The following ATG13 variants were observed in gnomAD, a reference collection of about 807,000 sequenced individuals.
The protein encoded by ATG13 is autophagy-related protein 13.
A neutral mutation model predicts 65.5 loss-of-function variants in ATG13; 23 were observed. The observed-to-expected ratio is 0.35, with a 90% CI of 0.25 to 0.50. ATG13 has a LOEUF of 0.50. ATG13 is among the 20% of genes least tolerant of loss of function. The pLI, the probability that ATG13 is intolerant of heterozygous loss-of-function variation, is 0.98. For synonymous variants in ATG13, 252 were observed against 245.2 expected, an observed-to-expected ratio of 1.03 and a Z score of -0.26; for missense variants, 566 against 677.0, an observed-to-expected ratio of 0.84 and a Z score of 1.82.
intron 2 of ATG13, among the ~76,000 whole-genome samples, chr11:46,630,473 TG>T (rs1237876140): frequency 6.6e-6 from 1 of 151,762 alleles, no homozygotes; most frequent in Non-Finnish European, 1.5e-5. Context: ...GAGATAAATA[TG>T]GTAAAAATCA....
chr11:46,670,350 G>A (rs1185002206), intron 18 of ATG13, among the ~76,000 whole-genome samples: 2 of 151,358 alleles, frequency 1.3e-5, no homozygotes, highest in African/African-American at 2.4e-5. Flanking sequence ...GCATGGTGGC[G>A]GGCACCTGTA....
At position 46,623,437 on chromosome 11, in the gene ATG13, TG is replaced by T. The variant is rs772367262; in HGVS notation, c.-70+5548del. Among the ~76,000 whole-genome samples the T allele has an allele frequency of 7.9e-5, 12 of 152,142 alleles. 1 individual carries two copies. The highest frequency in any genetic ancestry group is 1.2e-4 in the Non-Finnish European group (8 of 68,016). On this transcript the variant is annotated intron_variant, in intron 1 of 18. Transcript: ENST00000683050. ...AGTTTTGTTTTTTTGTTTTTGTTTT[TG>T]TTTTTTTGAGACAGAGTCTCACTCT...
rs971225941 is a variant in ATG13, at chr11:46,672,701, C to G, written c.*369C>G. 1 of 1,364,312 alleles carries G rather than the reference C, an allele frequency of 7.3e-7. No homozygotes were observed. Among genetic ancestry groups the G allele is most frequent in the Non-Finnish European group, 9.7e-7 (1 of 1,030,880 alleles). 84.5% of individuals were successfully genotyped at this position (1,364,312 alleles called of 1,614,324 possible). A position where few individuals can be genotyped will look rare whatever the true frequency, so the allele number is the denominator to read the frequency against. On this transcript the variant is annotated 3_prime_UTR_variant, in exon 19 of 19. Transcript: ENST00000683050. ...GGCCTGCCTTGCAGCTGGCCCCTTC[C>G]CTGCCTGCTGTCACCATCCACTGTT...
intron 2 of ATG13, among the ~76,000 whole-genome samples, chr11:46,632,797 A>C (rs1448545746): frequency 6.6e-6 from 1 of 151,768 alleles, no homozygotes; most frequent in Non-Finnish European, 1.5e-5. Flanking sequence ...TTTACTTCCC[A>C]AAACAGTATC....
chr11:46,658,803 T>C (rs2060551711), intron 10 of ATG13, among the ~76,000 whole-genome samples: 1 of 152,066 alleles, frequency 6.6e-6, no homozygotes. Flanking sequence ...CCCAAAATGC[T>C]GGAATTACAG....
At chr11:46,656,415 A>T (rs2060057339) in intron 8 of ATG13, 142 bp downstream of exon 8, 18 of 818,480 alleles carry the variant, frequency 2.2e-5, no homozygotes, top group Non-Finnish European at 3.3e-5. Flanking sequence ...GAATGCAGGT[A>T]GGTGGTCCAG....
Position 46,663,289 on chromosome 11 carries a change from G to A in ATG13, c.790-708G>A, listed in dbSNP as rs111648945. Among the ~76,000 whole-genome samples the A allele has an allele frequency of 9.5e-3, 1,207 of 127,368 alleles. 20 individuals are homozygous for A. Among genetic ancestry groups the A allele is most frequent in the African/African-American group, 0.033 (1,159 of 35,168 alleles). 83.6% of individuals were successfully genotyped at this position (127,368 alleles called of 152,430 possible). On this transcript the variant is annotated intron_variant, in intron 11 of 18. Coordinates refer to ENST00000683050, the MANE Select transcript of ATG13 (RefSeq NM_001346311.2). ...TCAAAAAAAAAAAAAAAAAAAAAAT[G>A]GAACAGTAAGACCCAAAATAATCAT...
intron 1 of ATG13, among the ~76,000 whole-genome samples, chr11:46,619,115 G>A (rs2046406191): frequency 6.6e-6 from 1 of 152,098 alleles, no homozygotes; most frequent in South Asian, 2.1e-4. Context: ...TGTGCTTAGT[G>A]GAGGAGAGTG....
intron 10 of ATG13, among the ~76,000 whole-genome samples, chr11:46,658,118 G>A (rs899093232): frequency 6.6e-6 from 1 of 151,878 alleles, no homozygotes; most frequent in Non-Finnish European, 1.5e-5. Flanking sequence ...TAGAGCCTTA[G>A]AAGAGTGGCA....
intron 7 of ATG13, among the ~76,000 whole-genome samples, chr11:46,654,721 C>CA (rs1434225197): frequency 2.7e-5 from 4 of 150,814 alleles, no homozygotes; most frequent in Non-Finnish European, 4.4e-5. Context: ...GACCCTGTCT[C>CA]AAAAAAAACA....
chr11:46,668,699 C>T (rs2062986293), intron 16 of ATG13, 95 bp from the exon 17 acceptor site: 7 of 1,485,040 alleles, frequency 4.7e-6, no homozygotes, highest in African/African-American at 2.8e-5. Context: ...GGGTTTGTAG[C>T]CAGCATTAAG....
chr11:46,622,778 C>A (rs1404494058), intron 1 of ATG13, among the ~76,000 whole-genome samples: 1 of 152,160 alleles, frequency 6.6e-6, no homozygotes, highest in Non-Finnish European at 1.5e-5. Context: ...AGGGGCAAAG[C>A]AGATTAGATT....
rs999844038 is a variant in ATG13 at position 46,672,619 on chromosome 11, C to T, written c.*287C>T. ...AGGGCCATCTGTGTGCCCTGCCCATCACCAACTGCTTCCCAAGGGTGTCAT... is the reference window on the plus strand; with the variant it reads ...AGGGCCATCTGTGTGCCCTGCCCATTACCAACTGCTTCCCAAGGGTGTCAT... On this transcript the variant is annotated 3_prime_UTR_variant, in exon 19 of 19. Coordinates refer to ENST00000683050, the MANE Select transcript of ATG13 (RefSeq NM_001346311.2). The T allele has an allele frequency of 8.5e-6, 12 of 1,416,512 alleles. No homozygotes were observed. The highest frequency in any genetic ancestry group is 4.3e-5 in the African/African-American group (3 of 70,366). The allele number at this position is 1,416,512 out of a possible 1,614,324, so 87.7% of individuals were successfully genotyped here. A position where few individuals can be genotyped will look rare whatever the true frequency, so the allele number is the denominator to read the frequency against.
At chr11:46,638,855 T>C (rs1338444511) in intron 2 of ATG13, among the ~76,000 whole-genome samples, 2 of 152,144 alleles carry the variant, frequency 1.3e-5, no homozygotes, top group African/African-American at 4.8e-5. Flanking sequence ...TCACCCAGGC[T>C]GGAGTGCAAT....
intron 15 of ATG13, among the ~76,000 whole-genome samples, chr11:46,668,172 T>A (rs2062801266): frequency 6.6e-6 from 1 of 152,218 alleles, no homozygotes; most frequent in South Asian, 2.1e-4. Context: ...TGTCATTGCC[T>A]CGGCCTTATT....
chr11:46,668,378 G>C, intron 15 of ATG13, 121 bp from the exon 16 acceptor site: 1 of 965,150 alleles, frequency 1.0e-6, no homozygotes, highest in Non-Finnish European at 1.6e-6. Context: ...GAGCCTAAGG[G>C]GCAGCATGGT....
At chr11:46,619,576 G>C (rs978998587) in intron 1 of ATG13, among the ~76,000 whole-genome samples, 5 of 151,348 alleles carry the variant, frequency 3.3e-5, no homozygotes, top group Admixed American at 3.3e-4. Context: ...TAAAGATGGG[G>C]TTTCTCCATG....
chr11:46,657,349 T>C (rs2060246006), intron 9 of ATG13, 158 bp downstream of exon 9: 20 of 914,128 alleles, frequency 2.2e-5, no homozygotes, highest in Non-Finnish European at 2.9e-5. Context: ...AGAATTTGAG[T>C]GTCCCAGAGC....
intron 2 of ATG13, among the ~76,000 whole-genome samples, chr11:46,644,000 AT>A (rs1291273888): frequency 1.3e-5 from 2 of 152,228 alleles, no homozygotes; most frequent in African/African-American, 4.8e-5. Flanking sequence ...TGATGAAATA[AT>A]TTTGAATGGA....
Sources: gnomAD v4.1 joint callset for allele counts (sites outside exome capture counted in the v4.1 genomes callset) on GRCh38, gnomAD v4.1.1 for gene constraint, MANE v1.5 for transcripts, NCBI Gene and HGNC (gene_info 2026-07-23, HGNC 2026-07-21) for gene names.